The following PLXND1 variants were observed in gnomAD, a reference collection of about 807,000 sequenced individuals.
PLXND1 encodes the protein plexin D1.
In PLXND1, 54 loss-of-function variants were observed where a neutral mutation model predicts 197.7. The observed-to-expected ratio is 0.27, with a 90% CI of 0.22 to 0.34. The LOEUF (loss-of-function observed/expected upper bound fraction) is 0.34, where lower values mean the gene tolerates loss of function less well. Among genes scored for constraint, PLXND1 ranks in the 10% least tolerant of loss-of-function variants. PLXND1 has a pLI of 1.00. For synonymous variants in PLXND1, 1,180 were observed against 1,161.2 expected, an observed-to-expected ratio of 1.02 and a Z score of -0.33; for missense variants, 2,127 against 2,699.2, an observed-to-expected ratio of 0.79 and a Z score of 4.70.
Position 129,584,472 on chromosome 3 carries a change from G to T in PLXND1, c.1942C>A (p.Arg648=). 1 of 1,613,994 alleles carries T rather than the reference G, an allele frequency of 6.2e-7. No individual in the cohort carries two copies. ...TGACCAAAGGCAGGGCCTGGGACCC[G>T]AGCCACAGTGCGGATGTTGTTCCCA... ...DYGNNIRTVA[R]VPGPAFGHQI... Residue 648 remains arginine (R), a synonymous_variant, in exon 6 of 36, where the codon CGG becomes AGG. Coordinates refer to ENST00000324093, the MANE Select transcript of PLXND1 (RefSeq NM_015103.3).
chr3:129,565,878 C>T lies in PLXND1; in HGVS notation c.4322+9G>A. 2 of 1,613,824 alleles carry T rather than the reference C, an allele frequency of 1.2e-6. No homozygotes were observed. Among genetic ancestry groups the T allele is most frequent in the Non-Finnish European group, 1.7e-6 (2 of 1,179,884 alleles). On this transcript the variant is annotated intron_variant, in intron 24 of 35. Transcript: ENST00000324093. ...TTCCCTACCCCACCCCAGTCTGTCA[C>T]AGCCTGACCTGTCGCGCACCGCAAA...
intron 1 of PLXND1, among the ~76,000 whole-genome samples, chr3:129,604,192 C>A (rs1011039135): frequency 3.9e-5 from 6 of 152,172 alleles, no homozygotes; most frequent in African/African-American, 1.4e-4. Context: ...TACTCCTCCT[C>A]ATTCCCCACT....
chr3:129,564,205 G>A (rs2085104402), intron 25 of PLXND1, among the ~76,000 whole-genome samples: 1 of 152,228 alleles, frequency 6.6e-6, no homozygotes, highest in Admixed American at 6.5e-5. Context: ...CCCAGGAGGA[G>A]CCGTGGGGCT....
At chr3:129,595,086 G>T (rs1361420093) in intron 1 of PLXND1, among the ~76,000 whole-genome samples, 3 of 149,586 alleles carry the variant, frequency 2.0e-5, no homozygotes, top group Non-Finnish European at 2.9e-5. Flanking sequence ...AGTCCTCCTG[G>T]GCTCCCCTGA....
intron 25 of PLXND1, among the ~76,000 whole-genome samples, chr3:129,563,470 C>T (rs1179292056): frequency 2.0e-5 from 3 of 152,238 alleles, no homozygotes; most frequent in Non-Finnish European, 2.9e-5. Flanking sequence ...GCAACCCTTC[C>T]GGATACGGAG....
At chr3:129,588,877 G>T (rs1326626835) in intron 2 of PLXND1, among the ~76,000 whole-genome samples, 1 of 152,200 alleles carries the variant, frequency 6.6e-6, no homozygotes, top group Non-Finnish European at 1.5e-5. Context: ...CAGTCACCCT[G>T]GGACGGGGTG....
At position 129,555,509 on chromosome 3, in the gene PLXND1, A is replaced by G. The variant is rs1247094189; in HGVS notation, c.*803T>C. On this transcript the variant is annotated 3_prime_UTR_variant, in exon 36 of 36. Coordinates refer to ENST00000324093, the MANE Select transcript of PLXND1 (RefSeq NM_015103.3). ...CTCTGCGCAAGCGGCAGCTATTCAC[A>G]GTTGGTGCATGATACGTTTTTTAAT... 4.4e-6 allele frequency: 3 copies of G among 676,494 alleles called. No individual in the cohort carries two copies. Among genetic ancestry groups the G allele is most frequent in the Middle Eastern group, 2.5e-4 (1 of 4,048 alleles). The allele number at this position is 676,494 out of a possible 1,614,324, so 41.9% of individuals were successfully genotyped here.
rs138395396 is a variant in PLXND1, at chr3:129,556,649, T to C, written c.5629A>G (p.Ile1877Val). The change falls in exon 35 of 36, where the codon ATT becomes GTT. Residue 1877 changes from isoleucine (I) to valine (V), a missense_variant. Coordinates refer to ENST00000324093, the MANE Select transcript of PLXND1 (RefSeq NM_015103.3). ...EFNTNVAMAE[I>V]YKYAKRYRPQ... ...CGATACCTCTTGGCGTACTTATAAA[T>C]CTCTGCCATGGCCACATTGGTGTTG... 857 of 1,613,344 alleles carry C rather than the reference T, an allele frequency of 5.3e-4. No homozygotes were observed. Among genetic ancestry groups the C allele is most frequent in the Non-Finnish European group, 6.9e-4 (811 of 1,179,626 alleles).
At chr3:129,565,656 G>T in intron 24 of PLXND1, 118 bp from the exon 25 acceptor site, 1 of 961,240 alleles carries the variant, frequency 1.0e-6, no homozygotes, top group Non-Finnish European at 1.6e-6. Context: ...GTGTGGGTGG[G>T]TCCTGCGAGG....
rs2108761273 is a variant in PLXND1, at chr3:129,557,999, A to G, written c.5445+429T>C. ...CGCATGAATCTCAGAGCTCCTAGCCACCCATCACCCCTCTGCCCACCCCTT... is the reference window on the plus strand; with the variant it reads ...CGCATGAATCTCAGAGCTCCTAGCCGCCCATCACCCCTCTGCCCACCCCTT... On this transcript the variant is annotated intron_variant, in intron 33 of 35. Transcript: ENST00000324093. This position sits in a 1 kb window ranked among gnomAD's most constrained non-coding sequence, Gnocchi z 4.8. 1.3e-5 allele frequency among the ~76,000 whole-genome samples: 2 copies of G among 152,190 alleles called. No homozygotes were observed. Among genetic ancestry groups the G allele is most frequent in the South Asian group, 4.2e-4 (2 of 4,816 alleles).
intron 9 of PLXND1, 89 bp downstream of exon 9, chr3:129,578,240 G>C: frequency 1.2e-6 from 1 of 800,972 alleles, no homozygotes; most frequent in Non-Finnish European, 2.2e-6. Context: ...CAGAGCAGGG[G>C]TCACACCAGG....
Position 129,565,640 on chromosome 3 carries a change from G to A in PLXND1, c.4323-102C>T, listed in dbSNP as rs535205963. ...ATCCCCGGGCCCATCGATCCCAGGA[G>A]TGCCTGTGTGGGTGGGTCCTGCGAG... On this transcript the variant is annotated intron_variant, in intron 24 of 35. Coordinates refer to ENST00000324093, the MANE Select transcript of PLXND1 (RefSeq NM_015103.3). 4.6e-6 allele frequency: 5 copies of A among 1,091,808 alleles called. No homozygotes were observed. In the East Asian group the frequency reaches 1.3e-4, roughly 28 times the overall value. 67.6% of individuals were successfully genotyped at this position (1,091,808 alleles called of 1,614,324 possible).
At chr3:129,575,977 G>T (rs1377804544) in intron 9 of PLXND1, 122 bp from the exon 10 acceptor site, 1 of 684,774 alleles carries the variant, frequency 1.5e-6, no homozygotes, top group Non-Finnish European at 2.7e-6. Flanking sequence ...CGAACTGTCA[G>T]GCCTTTGCAT....
At chr3:129,562,137 G>C (rs1370572045) in intron 27 of PLXND1, among the ~76,000 whole-genome samples, 1 of 152,162 alleles carries the variant, frequency 6.6e-6, no homozygotes, top group Non-Finnish European at 1.5e-5. Flanking sequence ...CACAGAGGAG[G>C]AGCTCTGGAA....
chr3:129,597,747 G>A (rs771966490), intron 1 of PLXND1, among the ~76,000 whole-genome samples: 1 of 152,250 alleles, frequency 6.6e-6, no homozygotes, highest in Non-Finnish European at 1.5e-5. Flanking sequence ...GGTCTGTTTG[G>A]TTCGGCCCTG....
At position 129,561,726 on chromosome 3, in the gene PLXND1, G is replaced by A. The variant is rs936334107; in HGVS notation, c.4930-17C>T. 1.3e-6 allele frequency: 2 copies of A among 1,594,234 alleles called. No homozygotes were observed. The highest frequency in any genetic ancestry group is 1.7e-6 in the Non-Finnish European group (2 of 1,169,410). On this transcript the variant is annotated splice_polypyrimidine_tract_variant and intron_variant, in intron 28 of 35. Transcript: ENST00000324093. ...TTCAGGGATCTGATGGGAGGGGAGA[G>A]GCCGAGGTCAGAGGCCGGAGGTTGG...
chr3:129,572,563 T>C (rs972046019), intron 15 of PLXND1, 46 bp downstream of exon 15: 3 of 1,440,154 alleles, frequency 2.1e-6, no homozygotes, highest in African/African-American at 1.4e-5. Context: ...CCCAAGCCCA[T>C]TGATTTCTCT....
chr3:129,568,940 A>G (rs2085181677), intron 20 of PLXND1, among the ~76,000 whole-genome samples: 1 of 152,192 alleles, frequency 6.6e-6, no homozygotes, highest in African/African-American at 2.4e-5. Flanking sequence ...ACCCATACCC[A>G]TGCAGCAGTC....
Position 129,577,671 on chromosome 3 carries a change from G to A in PLXND1, c.2346+658C>T, listed in dbSNP as rs2085332488. On this transcript the variant is annotated intron_variant, in intron 9 of 35. Coordinates refer to ENST00000324093, the MANE Select transcript of PLXND1 (RefSeq NM_015103.3). The surrounding 1 kb of genome is among the most constrained non-coding windows in gnomAD (Gnocchi z 5.0). ...TGGCACGCCTCCAGGACTCGTCAACGCTTCCCACCCAGGACGCGCCTCCAG... is the reference window on the plus strand; with the variant it reads ...TGGCACGCCTCCAGGACTCGTCAACACTTCCCACCCAGGACGCGCCTCCAG... Among the ~76,000 whole-genome samples, 1 of 152,122 alleles carries A rather than the reference G, an allele frequency of 6.6e-6. No homozygotes were observed. Among genetic ancestry groups the A allele is most frequent in the Non-Finnish European group, 1.5e-5 (1 of 68,018 alleles).
Sources: gnomAD v4.1 joint callset for allele counts (sites outside exome capture counted in the v4.1 genomes callset) on GRCh38, gnomAD v4.1.1 for gene constraint, Gnocchi (gnomAD v3.1) non-coding constraint, MANE v1.5 for transcripts, NCBI Gene and HGNC (gene_info 2026-07-23, HGNC 2026-07-21) for gene names.